Variants in HNRNPL observed in about 807,000 individuals in gnomAD.
The protein encoded by HNRNPL is heterogeneous nuclear ribonucleoprotein L, also known as epididymis secretory sperm binding protein.
In HNRNPL, 12 loss-of-function variants were observed where a neutral mutation model predicts 64.0. The ratio of observed to expected loss-of-function variants is 0.19; its 90% confidence interval spans 0.12 to 0.30. The LOEUF is 0.30. Ranked by LOEUF, HNRNPL falls within the 10% of genes least tolerant of loss-of-function variation. HNRNPL has a pLI of 1.00. For synonymous variants in HNRNPL, 385 were observed against 313.0 expected (o/e 1.23, Z -2.43); for missense variants, 484 against 797.4 (o/e 0.61, Z 4.73).
chr19:38,845,892 A>C lies in HNRNPL; in HGVS notation c.585T>G (p.Leu195=), dbSNP rs1156805899. 18 of 1,614,034 alleles carry C rather than the reference A, an allele frequency of 1.1e-5. No homozygotes were observed. In the Admixed American group the frequency reaches 1.3e-4, roughly 12 times the overall value. ...SDDSRSVNSV[L]LFTILNPIYS... Reference sequence around the variant, plus strand: ...AAATGGGGTTCAGGATGGTAAAGAGAAGCACACTGTTCACGCTCCGGGAGT... The same window carrying C: ...AAATGGGGTTCAGGATGGTAAAGAGCAGCACACTGTTCACGCTCCGGGAGT... Residue 195 remains leucine (L), a synonymous_variant, in exon 3 of 13, where the codon CTT becomes CTG. Coordinates refer to ENST00000221419, the MANE Select transcript of HNRNPL (RefSeq NM_001533.3).
At chr19:38,836,864 C>A in intron 12 of HNRNPL, 84 bp from the exon 13 acceptor site, 2 of 986,378 alleles carry the variant, frequency 2.0e-6, no homozygotes, top group Admixed American at 2.1e-5. Flanking sequence ...ACCCATCTCC[C>A]ATTTTCTGCA....
chr19:38,836,883 G>T, intron 12 of HNRNPL, 103 bp from the exon 13 acceptor site: 1 of 812,528 alleles, frequency 1.2e-6, no homozygotes, highest in Non-Finnish European at 2.1e-6. Context: ...CAGGTCAACG[G>T]CAGGGGTCTA....
chr19:38,842,475 TTC>T (rs985450663), intron 6 of HNRNPL: 5 of 152,460 alleles, frequency 3.3e-5, no homozygotes, highest in East Asian at 3.9e-4. Context: ...TTGCGTCTCT[TTC>T]TCTCTTTGTC....
intron 3 of HNRNPL, 53 bp from the exon 4 acceptor site, chr19:38,845,788 T>C (rs558144839): frequency 3.8e-6 from 6 of 1,599,830 alleles, no homozygotes; most frequent in South Asian, 3.3e-5. Context: ...TCAGTCTGGC[T>C]TGGGGGAGGG....
intron 8 of HNRNPL, 58 bp from the exon 9 acceptor site, chr19:38,839,073 GCCCCT>G: frequency 6.2e-7 from 1 of 1,601,592 alleles, no homozygotes; most frequent in Non-Finnish European, 8.5e-7. Flanking sequence ...CCCCTCTCCT[GCCCCT>G]CCCAAGTTAG....
intron 6 of HNRNPL, among the ~76,000 whole-genome samples, chr19:38,843,171 G>A (rs1600058817): frequency 6.6e-6 from 1 of 152,190 alleles, no homozygotes; most frequent in Non-Finnish European, 1.5e-5. Context: ...CAGACACCGA[G>A]ATGGATGGTC....
rs1021232595 is a variant in HNRNPL, at chr19:38,849,775, G to A, written c.192C>T (p.Asp64=). ...CGCCTCCGTGCTGGTCGCCGGCGTT[G>A]TCAGTCTTGAGCCGCTTAGGGGCCC... The part of the protein sequence containing the change: ...GGRAPKRLKT[D]NAGDQHGGGG... Residue 64 remains aspartate, a synonymous_variant, in exon 1 of 13, where the codon GAC becomes GAT. Coordinates refer to ENST00000221419, the MANE Select transcript of HNRNPL (RefSeq NM_001533.3). 1.8e-5 allele frequency: 25 copies of A among 1,417,382 alleles called. No homozygotes were observed. Among genetic ancestry groups the A allele is most frequent in the African/African-American group, 4.5e-5 (3 of 66,520 alleles). The allele number at this position is 1,417,382 out of a possible 1,614,324, so 87.8% of individuals were successfully genotyped here. A position where few individuals can be genotyped will look rare whatever the true frequency, so the allele number is the denominator to read the frequency against.
chr19:38,847,428 A>T lies in HNRNPL; in HGVS notation c.274T>A (p.Tyr92Asn). ...AAGGGGGGENYDDPHKTPASP... is the reference protein window; with the variant it reads ...AAGGGGGGENNDDPHKTPASP... The stretch of plus-strand genomic sequence containing the variant: ...GCAGGGGTTTTGTGCGGGTCATCGT[A>T]GTTCTCCTGAGAAAGGAAGCAAAAA... The change falls in exon 2 of 13, where the codon TAC becomes AAC. Residue 92 changes from tyrosine to asparagine, a missense_variant. Coordinates refer to ENST00000221419, the MANE Select transcript of HNRNPL (RefSeq NM_001533.3). 1 of 1,506,512 alleles carries T rather than the reference A, an allele frequency of 6.6e-7. No homozygotes were observed. The highest frequency in any genetic ancestry group is 8.9e-7 in the Non-Finnish European group (1 of 1,125,066). The allele number at this position is 1,506,512 out of a possible 1,614,324, so 93.3% of individuals were successfully genotyped here.
chr19:38,847,241 C>A (rs1006819556), intron 2 of HNRNPL, 75 bp downstream of exon 2: 2 of 672,204 alleles, frequency 3.0e-6, no homozygotes, highest in Admixed American at 6.2e-5. Flanking sequence ...CTATTTCCAA[C>A]CAGAAATCGT....
rs142190385 is a variant in HNRNPL, at chr19:38,847,182, C to G, written c.386+134G>C. 2.2e-5 allele frequency: 11 copies of G among 508,680 alleles called. No individual in the cohort carries two copies. The Admixed American group carries it at 3.4e-4, about 16-fold the overall frequency. The allele number at this position is 508,680 out of a possible 1,614,324, so 31.5% of individuals were successfully genotyped here. On this transcript the variant is annotated intron_variant, in intron 2 of 12. Coordinates refer to ENST00000221419, the MANE Select transcript of HNRNPL (RefSeq NM_001533.3). ...TCTGACACAAAGTACAATGGCCAAC[C>G]CAAAAGCAGAGCGGCCACAGAATCT...
At chr19:38,837,802 T>C in intron 10 of HNRNPL, 151 bp from the exon 11 acceptor site, 1 of 662,616 alleles carries the variant, frequency 1.5e-6, no homozygotes, top group Non-Finnish European at 2.6e-6. Context: ...CATCCCTGTG[T>C]CATAAAAAGG....
intron 8 of HNRNPL, chr19:38,839,658 G>A (rs900451721): frequency 2.1e-5 from 4 of 192,092 alleles, no homozygotes; most frequent in African/African-American, 7.2e-5. Context: ...GACCCAGACG[G>A]GTTTAATGTT....
At chr19:38,845,420 T>C (rs1309970116) in intron 4 of HNRNPL, 1 of 520,528 alleles carries the variant, frequency 1.9e-6, no homozygotes, top group Non-Finnish European at 3.4e-6. Context: ...GAAAAATAAA[T>C]TCCTTTGTAT....
In HNRNPL at chr19:38,849,982, G is replaced by A; in HGVS notation, c.-16C>T. 1 of 1,318,244 alleles carries A rather than the reference G, an allele frequency of 7.6e-7. No individual in the cohort carries two copies. Among genetic ancestry groups the A allele is most frequent in the East Asian group, 3.1e-5 (1 of 32,232 alleles). 81.7% of individuals were successfully genotyped at this position (1,318,244 alleles called of 1,614,324 possible). On this transcript the variant is annotated 5_prime_UTR_variant, in exon 1 of 13. Transcript: ENST00000221419. ...TCCGCGACATGGCGGCGCAGAACCC[G>A]CCTCCCCCCGCCTCTCATTGGGGGA...
intron 10 of HNRNPL, 139 bp from the exon 11 acceptor site, chr19:38,837,790 G>A (rs1165024079): frequency 2.9e-6 from 2 of 683,882 alleles, no homozygotes; most frequent in African/African-American, 1.8e-5. Context: ...CATACCCTAA[G>A]GCATCCCTGT....
At position 38,849,949 on chromosome 19, in the gene HNRNPL, C is replaced by T. The variant is rs1972455570; in HGVS notation, c.18G>A (p.Leu6=). ...GCCGACGCCGCTTCTCCGCCCGGGG[C>T]AGCAGCCTCCGCGACATGGCGGCGC... MSRRL[L]PRAEKRRRRL... Residue 6 remains leucine (L), a synonymous_variant, in exon 1 of 13, where the codon CTG becomes CTA. Transcript: ENST00000221419. 2.2e-6 allele frequency: 3 copies of T among 1,354,104 alleles called. No individual in the cohort carries two copies. Among genetic ancestry groups the T allele is most frequent in the African/African-American group, 1.5e-5 (1 of 65,846 alleles). The allele number at this position is 1,354,104 out of a possible 1,614,324, so 83.9% of individuals were successfully genotyped here. A position where few individuals can be genotyped will look rare whatever the true frequency, so the allele number is the denominator to read the frequency against.
At chr19:38,838,260 G>T (rs145872718) in intron 10 of HNRNPL, 137 bp downstream of exon 10, 85 of 670,772 alleles carry the variant, frequency 1.3e-4, no homozygotes, top group Non-Finnish European at 2.1e-4. Flanking sequence ...CCTGGCCTCT[G>T]CTGTGTCCCT....
At chr19:38,847,836 TTGAA>T (rs754893515) in intron 1 of HNRNPL, among the ~76,000 whole-genome samples, 1 of 152,226 alleles carries the variant, frequency 6.6e-6, no homozygotes, top group South Asian at 2.1e-4. Context: ...CTGCTACAGT[TTGAA>T]TGAGGACATC....
intron 6 of HNRNPL, among the ~76,000 whole-genome samples, chr19:38,842,968 C>T (rs939003095): frequency 6.6e-6 from 1 of 152,194 alleles, no homozygotes; most frequent in African/African-American, 2.4e-5. Context: ...GAGGGAGCAG[C>T]CAGGCCCACA....
Sources: gnomAD v4.1 joint callset for allele counts (sites outside exome capture counted in the v4.1 genomes callset) on GRCh38, gnomAD v4.1.1 for gene constraint, MANE v1.5 for transcripts, NCBI Gene and HGNC (gene_info 2026-07-23, HGNC 2026-07-21) for gene names.